The following MDN1 variants were observed in gnomAD, a reference collection of about 807,000 sequenced individuals.
MDN1 encodes midasin.
In MDN1, 266 loss-of-function variants were observed where a neutral mutation model predicts 669.2. The observed-to-expected ratio is 0.40, with a 90% CI of 0.36 to 0.44. The LOEUF is 0.44. Among genes scored for constraint, MDN1 ranks in the 20% least tolerant of loss-of-function variants. The pLI, the probability that MDN1 is intolerant of heterozygous loss-of-function variation, is 1.00. For missense variants in MDN1, 5,940 were observed against 6,754.0 expected (o/e 0.88, Z 4.22); for synonymous variants, 2,385 against 2,457.1 (o/e 0.97, Z 0.87).
At chr6:89,807,364 G>A (rs1768088518) in intron 1 of MDN1, among the ~76,000 whole-genome samples, 1 of 152,212 alleles carries the variant, frequency 6.6e-6, no homozygotes, top group Non-Finnish European at 1.5e-5. Context: ...GGGATTACAG[G>A]CATGCGCCAC....
At chr6:89,767,923 C>T (rs2128321971) in intron 15 of MDN1, among the ~76,000 whole-genome samples, 1 of 152,022 alleles carries the variant, frequency 6.6e-6, no homozygotes, top group South Asian at 2.1e-4. Flanking sequence ...TGCCTGTAGT[C>T]CCAACTACTC....
At position 89,687,333 on chromosome 6, in the gene MDN1, G is replaced by C. The variant is rs1227085647; in HGVS notation, c.11450+11C>G. The C allele has an allele frequency of 1.9e-6, 3 of 1,611,190 alleles. No individual in the cohort carries two copies. Among genetic ancestry groups the C allele is most frequent in the Middle Eastern group, 1.7e-4 (1 of 6,054 alleles). The stretch of plus-strand genomic sequence containing the variant: ...AACCTAAGTTTAGGAGAGGGAAGGA[G>C]AGTCACTTACTTCAGCTCCAGTTTA... On this transcript the variant is annotated intron_variant, in intron 68 of 101. Coordinates refer to ENST00000369393, the MANE Select transcript of MDN1 (RefSeq NM_014611.3).
In MDN1 at chr6:89,718,784, G is replaced by T; in HGVS notation, c.6304C>A (p.Leu2102Met). ...CTGGTTACCTGCTCAAATCCACCCA[G>T]CAGCTCAGTAGTATCCATTGCACTG... The part of the protein sequence containing the change: ...MNSAMDTTEL[L>M]GGFEQVDLIR... Residue 2102 changes from leucine (L) to methionine (M), a missense_variant, in exon 42 of 102, where the codon CTG (leucine) becomes ATG (methionine). By Grantham distance (15) the Leu-to-Met change is conservative (BLOSUM62 2). This residue lies in a region of MDN1 where 2,292 missense variants were observed against 2,638.3 expected (regional missense o/e 0.87). Coordinates refer to ENST00000369393, the MANE Select transcript of MDN1 (RefSeq NM_014611.3). The T allele has an allele frequency of 6.2e-7, 1 of 1,613,838 alleles. No homozygotes were observed. Among genetic ancestry groups the T allele is most frequent in the Non-Finnish European group, 8.5e-7 (1 of 1,179,756 alleles).
intron 27 of MDN1, among the ~76,000 whole-genome samples, chr6:89,746,774 T>C (rs1239411151): frequency 6.6e-6 from 1 of 152,176 alleles, no homozygotes; most frequent in East Asian, 1.9e-4. Flanking sequence ...CATCAGCACT[T>C]TTCAAATCAG....
At chr6:89,749,407 T>C (rs1279455167) in intron 25 of MDN1, 38 bp from the exon 26 acceptor site, 1 of 1,605,908 alleles carries the variant, frequency 6.2e-7, no homozygotes, top group South Asian at 1.1e-5. Flanking sequence ...AAAAGGTGCC[T>C]TTTAATTTCC....
Position 89,725,252 on chromosome 6 carries a change from G to T in MDN1, c.5617C>A (p.Gln1873Lys). 6.2e-7 allele frequency: 1 copy of T among 1,613,946 alleles called. No homozygotes were observed. The highest frequency in any genetic ancestry group is 8.5e-7 in the Non-Finnish European group (1 of 1,179,974). ...GGCAAGCCTTTCCTCCCACCTCCTT[G>T]TCTAAAGGGATTCTGACACCCAAAA... ...KIFGCQNPFR[Q>K]GGGRKGLPRS... is the part of the protein sequence containing the mutation. Residue 1873 changes from glutamine (Q) to lysine (K), a missense_variant, in exon 38 of 102, where the codon CAA becomes AAA. This residue lies in a region of MDN1 where 2,292 missense variants were observed against 2,638.3 expected (regional missense o/e 0.87). Transcript: ENST00000369393.
chr6:89,704,209 C>T (rs1430781246), intron 53 of MDN1, among the ~76,000 whole-genome samples: 5 of 151,762 alleles, frequency 3.3e-5, no homozygotes, highest in African/African-American at 7.2e-5. Context: ...GGTGAAACCC[C>T]GTCTCCACTA....
chr6:89,730,944 C>T, intron 34 of MDN1, 21 bp from the exon 35 acceptor site: 1 of 1,607,866 alleles, frequency 6.2e-7, no homozygotes, highest in Non-Finnish European at 8.5e-7. Context: ...GAGGATCAGT[C>T]CATGAAGCAA....
intron 15 of MDN1, among the ~76,000 whole-genome samples, chr6:89,764,333 G>A (rs769432927): frequency 2.2e-4 from 33 of 152,094 alleles, no homozygotes; most frequent in African/African-American, 2.9e-4. Context: ...GGCCAGGTGC[G>A]GTGGCTCACA....
intron 61 of MDN1, among the ~76,000 whole-genome samples, 170 bp from the exon 62 acceptor site, chr6:89,694,353 T>C (rs1490154903): frequency 6.6e-6 from 1 of 152,170 alleles, no homozygotes; most frequent in East Asian, 1.9e-4. Flanking sequence ...ATCAGAGCTG[T>C]GAGGGGAAAG....
chr6:89,755,478 C>A (rs1817200254), intron 20 of MDN1, among the ~76,000 whole-genome samples: 1 of 151,884 alleles, frequency 6.6e-6, no homozygotes, highest in African/African-American at 2.4e-5. Context: ...AATTACAGTA[C>A]CTGACTCCTC....
At chr6:89,647,186 C>T (rs1018221995) in intron 99 of MDN1, among the ~76,000 whole-genome samples, 7 of 152,140 alleles carry the variant, frequency 4.6e-5, no homozygotes, top group Non-Finnish European at 8.8e-5. Context: ...TTCCCTGGGG[C>T]ATAAGAAATC....
chr6:89,769,009 A>G (rs1817950420), intron 15 of MDN1, among the ~76,000 whole-genome samples: 6 of 151,946 alleles, frequency 3.9e-5, no homozygotes. Context: ...AGTCATGTTT[A>G]TGCCGCTGCA....
At chr6:89,760,285 G>A (rs977211499) in intron 17 of MDN1, among the ~76,000 whole-genome samples, 1 of 152,152 alleles carries the variant, frequency 6.6e-6, no homozygotes, top group Non-Finnish European at 1.5e-5. Context: ...TCACAGGACA[G>A]CAAACAGTAG....
intron 46 of MDN1, among the ~76,000 whole-genome samples, chr6:89,713,939 T>G (rs1262169311): frequency 6.6e-6 from 1 of 150,938 alleles, no homozygotes; most frequent in East Asian, 1.9e-4. Context: ...TCGGAGAGGC[T>G]GAGGCAGAAG....
chr6:89,665,639 G>A (rs200640826), intron 84 of MDN1, among the ~76,000 whole-genome samples: 1 of 150,636 alleles, frequency 6.6e-6, no homozygotes, highest in Non-Finnish European at 1.5e-5. Flanking sequence ...TCCGGGAGGT[G>A]GAGGTTGTGG....
In MDN1 at chr6:89,644,983, TC is replaced by T. The variant is rs778991054; in HGVS notation, c.16602+31del. On this transcript the variant is annotated intron_variant, in intron 101 of 101. Transcript: ENST00000369393. ...GGTTGAAGGGAATCCCCACTTTACC[TC>T]CAGAAAAGGTGGCTTTTAGTAGTCA... The T allele has an allele frequency of 2.6e-6, 4 of 1,568,136 alleles. No homozygotes were observed. In the Admixed American group the frequency reaches 5.1e-5, roughly 20 times the overall value.
rs1277799863 is a variant in MDN1, at chr6:89,653,075, C to A, written c.15742G>T (p.Glu5248Ter). The A allele has an allele frequency of 6.2e-7, 1 of 1,614,072 alleles. No individual in the cohort carries two copies. Among genetic ancestry groups the A allele is most frequent in the Non-Finnish European group, 8.5e-7 (1 of 1,180,010 alleles). The change falls in exon 94 of 102, where the codon GAG becomes TAG. Residue 5248 changes from glutamate (E) to a stop codon, truncating the protein, a stop_gained. Transcript: ENST00000369393. LOFTEE classifies it high-confidence loss of function. The part of the protein sequence containing the change: ...QDPRTDKAHK[E>*]TENEKPERSR... ...CTTTCTGGTTTCTCATTTTCTGTCT[C>A]CTTATGGGCTTTGTCTGTTCTGGGG...
At chr6:89,798,040 G>A (rs1819699289) in intron 2 of MDN1, among the ~76,000 whole-genome samples, 1 of 151,988 alleles carries the variant, frequency 6.6e-6, no homozygotes, top group Admixed American at 6.6e-5. Flanking sequence ...AAATTAGCCA[G>A]GCGTGGTGGC....
Sources: allele counts gnomAD v4.1 joint callset (sites outside exome capture counted in the v4.1 genomes callset), GRCh38; gene constraint gnomAD v4.1.1; regional missense constraint gnomAD v4.1.1; transcripts MANE v1.5; gene names NCBI Gene and HGNC (gene_info 2026-07-23, HGNC 2026-07-21).